Variants in ALOXE3 observed in about 807,000 individuals in gnomAD.
The protein encoded by ALOXE3 is hydroperoxide isomerase ALOXE3.
In ALOXE3, 78 loss-of-function variants were observed where a neutral mutation model predicts 87.5. The ratio of observed to expected loss-of-function variants is 0.89; its 90% CI spans 0.74 to 1.08. The LOEUF is 1.08. ALOXE3 is among the 50% of genes least tolerant of loss of function. The pLI is 0.00. For missense variants in ALOXE3, 946 were observed against 912.4 expected, an observed-to-expected ratio of 1.04 and a Z score of -0.47; for synonymous variants, 363 against 370.8, an observed-to-expected ratio of 0.98 and a Z score of 0.24.
chr17:8,102,000 G>T (rs1319930330), intron 15 of ALOXE3, among the ~76,000 whole-genome samples: 4 of 152,184 alleles, frequency 2.6e-5, no homozygotes, highest in African/African-American at 9.7e-5. Flanking sequence ...ATATTCACCT[G>T]TTAGAGAGCT....
chr17:8,109,137 C>T, intron 12 of ALOXE3, 37 bp downstream of exon 12: 2 of 1,609,694 alleles, frequency 1.2e-6, no homozygotes, highest in Non-Finnish European at 1.7e-6. Flanking sequence ...GCCAGGAGAC[C>T]CTGGTGGGAC....
At chr17:8,099,370 T>TAAG (rs55672933) in intron 15 of ALOXE3, among the ~76,000 whole-genome samples, 123,592 of 151,750 alleles carry the variant, frequency 0.81, 50,461 homozygotes, top group East Asian at 0.86. Flanking sequence ...CTGCCCTTCT[T>TAAG]AGTACTACCA....
intron 12 of ALOXE3, among the ~76,000 whole-genome samples, 191 bp downstream of exon 12, chr17:8,108,983 C>G (rs1194335342): frequency 6.6e-6 from 1 of 152,214 alleles, no homozygotes; most frequent in Non-Finnish European, 1.5e-5. Context: ...CCACACACCC[C>G]CAAGCCCCTC....
chr17:8,107,859 A>AAGAGAGAGAGAGAGAGAGAGAG (rs1979489204), intron 13 of ALOXE3, among the ~76,000 whole-genome samples: 1 of 2,776 alleles, frequency 3.6e-4, no homozygotes, highest in Non-Finnish European at 8.2e-4. Context: ...GAAAGAAAGA[A>AAGAGAGAGAGAGAGAGAGAGAG]AGAAAGAAAG....
chr17:8,097,574 G>A (rs1003718773), intron 15 of ALOXE3, among the ~76,000 whole-genome samples: 2 of 152,022 alleles, frequency 1.3e-5, no homozygotes, highest in Non-Finnish European at 2.9e-5. Context: ...AATCACTATC[G>A]AGAAATATCA....
chr17:8,103,247 C>T (rs1051490835), intron 15 of ALOXE3, 76 bp downstream of exon 15: 4 of 1,546,974 alleles, frequency 2.6e-6, no homozygotes, highest in African/African-American at 1.4e-5. Context: ...AGTCCTCAAG[C>T]CCCCAGACGA....
upstream of ALOXE3, chr17:8,118,898 G>A: frequency 2.0e-6 from 3 of 1,473,876 alleles, no homozygotes; most frequent in Non-Finnish European, 2.7e-6. Flanking sequence ...GCCCGCAGCG[G>A]CCCCGCGCGG....
At position 8,107,807 on chromosome 17, in the gene ALOXE3, A is replaced by AC. The variant is rs1174155954; in HGVS notation, c.1684+660_1684+661insG. Among the ~76,000 whole-genome samples, 5 of 40,184 alleles carry AC rather than the reference A, an allele frequency of 1.2e-4. 1 individual carries two copies. The East Asian group carries it at 1.4e-3, about 11-fold the overall frequency. 26.4% of individuals were successfully genotyped at this position (40,184 alleles called of 152,430 possible). The stretch of plus-strand genomic sequence containing the variant: ...GAGGGAGACTCCGTCTCAAAAAAAA[A>AC]AACAAGAAAGAAAGAAAGAAAGAAA... On this transcript the variant is annotated intron_variant, in intron 13 of 15. Transcript: ENST00000448843.
At chr17:8,101,387 G>A (rs1978914534) in intron 15 of ALOXE3, among the ~76,000 whole-genome samples, 1 of 152,166 alleles carries the variant, frequency 6.6e-6, no homozygotes, top group South Asian at 2.1e-4. Flanking sequence ...TGTACACAAA[G>A]GATCTGATTT....
At chr17:8,118,815 C>G, upstream of ALOXE3, 1 of 1,536,774 alleles carries the variant, frequency 6.5e-7, no homozygotes, top group Non-Finnish European at 8.7e-7. Context: ...CCTGCAGGAT[C>G]CTGGGCGGGA....
At chr17:8,118,838 G>A (rs1598222734), upstream of ALOXE3, 5 of 1,535,748 alleles carry the variant, frequency 3.3e-6, no homozygotes, top group Middle Eastern at 1.7e-4. Context: ...CCAGGTGTCC[G>A]GGATCTGGGC....
In ALOXE3 at chr17:8,116,911, G is replaced by T. The variant is rs187155290; in HGVS notation, c.217C>A (p.Arg73Ser). 12 of 1,614,240 alleles carry T rather than the reference G, an allele frequency of 7.4e-6. No individual in the cohort carries two copies. The African/African-American group carries it at 8.0e-5, about 11-fold the overall frequency. ...GAGTCCTTGCGGAAGAAAGCGTAGC[G>T]CTCCTTGTGTACACGCAGCAGCAAG... ...ELLLLRVHKERYAFFRKDSWY... is the reference protein window; with the variant it reads ...ELLLLRVHKESYAFFRKDSWY... Residue 73 changes from arginine to serine, a missense_variant, in exon 3 of 16, where the codon CGC (arginine) becomes AGC (serine). Transcript: ENST00000448843.
intron 13 of ALOXE3, among the ~76,000 whole-genome samples, chr17:8,107,795 TCTCAA>T (rs1264395161): frequency 3.9e-5 from 3 of 76,406 alleles, no homozygotes; most frequent in African/African-American, 1.1e-4. Flanking sequence ...GGAGACTCCG[TCTCAA>T]AAAAAAAAAC....
At position 8,096,776 on chromosome 17, in the gene ALOXE3, A is replaced by G; in HGVS notation, c.1987T>C (p.Phe663Leu). 6.2e-7 allele frequency: 1 copy of G among 1,614,162 alleles called. No homozygotes were observed. Among genetic ancestry groups the G allele is most frequent in the Non-Finnish European group, 8.5e-7 (1 of 1,180,028 alleles). The change falls in exon 16 of 16, where the codon TTC becomes CTC. Residue 663 changes from phenylalanine (F) to leucine (L), a missense_variant. Physicochemically the swap from Phe to Leu is conservative, Grantham distance 22. Coordinates refer to ENST00000448843, the MANE Select transcript of ALOXE3 (RefSeq NM_021628.3). Reference sequence around the variant, plus strand: ...CTCCGCCTCGGGGCCTCCTCTGTGAAGTGCTCATCTGGGTAGGTGCCCAGG... The same window carrying G: ...CTCCGCCTCGGGGCCTCCTCTGTGAGGTGCTCATCTGGGTAGGTGCCCAGG... ...RPLGTYPDEH[F>L]TEEAPRRSIA...
At chr17:8,109,734 C>A (rs914110322) in intron 11 of ALOXE3, among the ~76,000 whole-genome samples, 182 bp downstream of exon 11, 3 of 149,188 alleles carry the variant, frequency 2.0e-5, no homozygotes, top group Non-Finnish European at 1.5e-5. Context: ...TGAAGGGGGC[C>A]GGTAGGAGAC....
At position 8,108,872 on chromosome 17, in the gene ALOXE3, G is replaced by A. The variant is rs921866137; in HGVS notation, c.1563-283C>T. Among the ~76,000 whole-genome samples, 3 of 152,070 alleles carry A rather than the reference G, an allele frequency of 2.0e-5. 1 individual carries two copies. The highest frequency in any genetic ancestry group is 1.5e-5 in the Non-Finnish European group (1 of 67,984). ...TGCTGCCACCCCCCTCCCCACCCAG[G>A]AGGAAGGAAGACCTGCCTGCCACAG... is the stretch of plus-strand genomic sequence containing the variant. On this transcript the variant is annotated intron_variant, in intron 12 of 15. Transcript: ENST00000448843.
Position 8,105,743 on chromosome 17 carries a change from A to G in ALOXE3, c.1685-1528T>C, listed in dbSNP as rs568793451. 2.0e-5 allele frequency among the ~76,000 whole-genome samples: 3 copies of G among 151,958 alleles called. No homozygotes were observed. In the East Asian group the frequency reaches 5.8e-4, roughly 30 times the overall value. On this transcript the variant is annotated intron_variant, in intron 13 of 15. Coordinates refer to ENST00000448843, the MANE Select transcript of ALOXE3 (RefSeq NM_021628.3). ...CATAGCAAGACCTTGTCTCTAAAAA[A>G]CATTTTTTAAAAAGGTAACTGGATG...
In ALOXE3 at chr17:8,115,682, G is replaced by A. The variant is rs757920547; in HGVS notation, c.359C>T (p.Thr120Ile). 1 of 1,613,336 alleles carries A rather than the reference G, an allele frequency of 6.2e-7. No homozygotes were observed. Among genetic ancestry groups the A allele is most frequent in the East Asian group, 2.2e-5 (1 of 44,880 alleles). The part of the protein sequence containing the change: ...TVELRPGTAR[T>I]ICQDSLPLLL... ...GAGGGGAAGAGAGTCCTGACAAATAGTTCTTGCTGTGGGGAATGAAAATTA... is the reference window on the plus strand; with the variant it reads ...GAGGGGAAGAGAGTCCTGACAAATAATTCTTGCTGTGGGGAATGAAAATTA... Residue 120 changes from threonine to isoleucine, a missense_variant, in exon 4 of 16, where the codon ACT becomes ATT. By Grantham distance (89) the Thr-to-Ile change is moderately conservative. Coordinates refer to ENST00000448843, the MANE Select transcript of ALOXE3 (RefSeq NM_021628.3).
At chr17:8,105,356 G>GGCCC (rs56781147) in intron 13 of ALOXE3, among the ~76,000 whole-genome samples, 1 of 151,676 alleles carries the variant, frequency 6.6e-6, no homozygotes. Flanking sequence ...CCTTCCTTCA[G>GGCCC]CTACTAATGC....
Sources: allele counts gnomAD v4.1 joint callset (sites outside exome capture counted in the v4.1 genomes callset), GRCh38; gene constraint gnomAD v4.1.1; transcripts MANE v1.5; gene names NCBI Gene and HGNC (gene_info 2026-07-23, HGNC 2026-07-21).